The following GPHN variants were observed in gnomAD, a reference collection of about 807,000 sequenced individuals.
The protein encoded by GPHN is gephyrin.
In GPHN, 17 loss-of-function variants were observed where a neutral mutation model predicts 95.5. The observed-to-expected ratio is 0.18, with a 90% CI of 0.12 to 0.27. The LOEUF (loss-of-function observed/expected upper bound fraction) is 0.27. Among genes scored for constraint, GPHN ranks in the 10% least tolerant of loss-of-function variants. GPHN has a pLI of 1.00. For synonymous variants in GPHN, 320 were observed against 322.5 expected (o/e 0.99, Z 0.08); for missense variants, 660 against 978.1 (o/e 0.67, Z 4.34).
chr14:66,566,343 G>T (rs2060462164), intron 1 of GPHN, among the ~76,000 whole-genome samples: 1 of 151,756 alleles, frequency 6.6e-6, no homozygotes, highest in Admixed American at 6.6e-5. Context: ...AATCAAATAG[G>T]CTTACTAGAA....
At chr14:66,939,106 G>A (rs944217189) in intron 8 of GPHN, among the ~76,000 whole-genome samples, 2 of 152,172 alleles carry the variant, frequency 1.3e-5, no homozygotes, top group African/African-American at 4.8e-5. Context: ...AAAACTTTAT[G>A]ACATTGGATT....
the GPHN span, among the ~76,000 whole-genome samples, chr14:67,415,360 T>C: frequency 4.6e-5 from 7 of 152,332 alleles, no homozygotes; most frequent in East Asian, 1.2e-3. Context: ...AATTTCATGG[T>C]GACTGAATTT....
At chr14:66,726,701 A>T (rs1234904266) in intron 2 of GPHN, among the ~76,000 whole-genome samples, 1 of 152,228 alleles carries the variant, frequency 6.6e-6, no homozygotes, top group Admixed American at 6.5e-5. Flanking sequence ...AAGTATTACA[A>T]ACAATTTAAA....
At chr14:66,736,119 G>T (rs1415220454) in intron 2 of GPHN, among the ~76,000 whole-genome samples, 3 of 151,972 alleles carry the variant, frequency 2.0e-5, no homozygotes, top group Non-Finnish European at 4.4e-5. Context: ...CTATATTGTG[G>T]ATTTTATTAC....
the GPHN span, among the ~76,000 whole-genome samples, chr14:67,461,061 C>T: frequency 6.6e-6 from 1 of 152,118 alleles, no homozygotes; most frequent in African/African-American, 2.4e-5. Flanking sequence ...TAAATGAGGA[C>T]CATTCTAAAG....
chr14:67,060,349 C>G (rs2075777807), intron 11 of GPHN, among the ~76,000 whole-genome samples: 1 of 152,080 alleles, frequency 6.6e-6, no homozygotes. Flanking sequence ...TGAGCAGACT[C>G]TTCATAGATG....
intron 9 of GPHN, among the ~76,000 whole-genome samples, chr14:66,979,263 T>C (rs1000389535): frequency 3.9e-5 from 6 of 152,338 alleles, no homozygotes; most frequent in South Asian, 4.1e-4. Flanking sequence ...ACTTCACCTC[T>C]CTAGCAATGA....
At chr14:67,546,950 T>C in the GPHN span, among the ~76,000 whole-genome samples, 1 of 152,128 alleles carries the variant, frequency 6.6e-6, no homozygotes, top group Non-Finnish European at 1.5e-5. Context: ...CTGTCTACCC[T>C]ATTCCTCAGG....
chr14:67,193,519 C>CTA, the GPHN span, among the ~76,000 whole-genome samples: 31 of 133,698 alleles, frequency 2.3e-4, no homozygotes, highest in Admixed American at 2.2e-3. Context: ...ATATATATAT[C>CTA]TAGATATAGA....
chr14:67,115,047 A>G (rs894674022), intron 16 of GPHN, among the ~76,000 whole-genome samples: 6 of 152,174 alleles, frequency 3.9e-5, no homozygotes, highest in Admixed American at 2.6e-4. Flanking sequence ...GACCTGCTAT[A>G]CTAAACTATA....
chr14:66,980,572 G>C (rs1020432543), intron 9 of GPHN, among the ~76,000 whole-genome samples: 1 of 151,946 alleles, frequency 6.6e-6, no homozygotes, highest in East Asian at 1.9e-4. Context: ...TAGTGAACAG[G>C]AAATAATTTA....
At chr14:67,386,520 T>C in the GPHN span, 1 of 152,242 alleles carries the variant, frequency 6.6e-6, no homozygotes, top group African/African-American at 2.4e-5. Context: ...AAAAGTATTG[T>C]ATGATACAGA....
intron 1 of GPHN, among the ~76,000 whole-genome samples, chr14:66,584,998 G>C (rs1194177862): frequency 6.6e-6 from 1 of 152,122 alleles, no homozygotes; most frequent in South Asian, 2.1e-4. Context: ...GTGGAATTTG[G>C]CTGTGAATCC....
chr14:66,641,821 G>A (rs893779311), intron 1 of GPHN, among the ~76,000 whole-genome samples: 1 of 152,064 alleles, frequency 6.6e-6, no homozygotes, highest in Non-Finnish European at 1.5e-5. Context: ...TAGATCAATA[G>A]GTATAAAGAT....
At chr14:67,336,653 TGCATTCCA>T in the GPHN span, 1 of 449,642 alleles carries the variant, frequency 2.2e-6, no homozygotes, top group Admixed American at 2.4e-5. Context: ...ATACTTGACT[TGCATTCCA>T]GCTGTGCTCT....
chr14:67,196,223 C>CTTTCTTTTTTT, the GPHN span, among the ~76,000 whole-genome samples: 63 of 143,138 alleles, frequency 4.4e-4, no homozygotes, highest in East Asian at 1.4e-3. Context: ...TTCTTTCTTT[C>CTTTCTTTTTTT]TTTTTTTTTT....
chr14:67,147,714 C>T (rs950450421), intron 18 of GPHN, among the ~76,000 whole-genome samples: 14 of 152,128 alleles, frequency 9.2e-5, no homozygotes, highest in African/African-American at 3.1e-4. Flanking sequence ...AAGTTTTAAT[C>T]AGCGTTTCCT....
the GPHN span, among the ~76,000 whole-genome samples, chr14:67,442,813 G>A: frequency 6.6e-6 from 1 of 152,240 alleles, no homozygotes; most frequent in African/African-American, 2.4e-5. Flanking sequence ...GTGGAAGGAC[G>A]AACATGTGAC....
At chr14:67,501,558 T>C in the GPHN span, among the ~76,000 whole-genome samples, 2 of 151,954 alleles carry the variant, frequency 1.3e-5, no homozygotes, top group African/African-American at 2.4e-5. Flanking sequence ...AAAAATCAAG[T>C]TGGTAAGCCA....
Sources: gnomAD v4.1 joint callset for allele counts (sites outside exome capture counted in the v4.1 genomes callset) on GRCh38, gnomAD v4.1.1 for gene constraint, MANE v1.5 for transcripts, NCBI Gene and HGNC (gene_info 2026-07-23, HGNC 2026-07-21) for gene names.